The following SLC39A8 variants were observed in gnomAD, a reference collection of about 807,000 sequenced individuals.
SLC39A8 encodes the protein solute carrier family 39 member 8, also known as metal cation symporter ZIP8.
A neutral mutation model predicts 40.4 loss-of-function variants in SLC39A8; 15 were observed. The observed-to-expected ratio is 0.37, with a 90% confidence interval of 0.25 to 0.57. The LOEUF is 0.57. SLC39A8 is among the 20% of genes least tolerant of loss of function. The pLI, the probability that SLC39A8 is intolerant of heterozygous loss-of-function variation, is 0.75. For synonymous variants in SLC39A8, 223 were observed against 221.6 expected (o/e 1.01, Z -0.06); for missense variants, 472 against 558.8 (o/e 0.84, Z 1.57).
At chr4:102,297,518 T>C (rs1733728880) in intron 6 of SLC39A8, among the ~76,000 whole-genome samples, 1 of 152,068 alleles carries the variant, frequency 6.6e-6, no homozygotes, top group South Asian at 2.1e-4. Flanking sequence ...GGAAAGAAGG[T>C]TTGAGAAAAC....
chr4:102,299,952 C>T (rs1733845307), intron 6 of SLC39A8, among the ~76,000 whole-genome samples: 1 of 152,042 alleles, frequency 6.6e-6, no homozygotes, highest in African/African-American at 2.4e-5. Flanking sequence ...AGTGAAATGA[C>T]TCCACACTTG....
intron 2 of SLC39A8, among the ~76,000 whole-genome samples, chr4:102,320,201 A>ATATG (rs1734859646): frequency 2.2e-5 from 3 of 137,012 alleles, no homozygotes; most frequent in African/African-American, 8.2e-5. Flanking sequence ...GTATATATAT[A>ATATG]TGTATATATA....
At chr4:102,334,400 T>G (rs1735586948) in intron 2 of SLC39A8, among the ~76,000 whole-genome samples, 1 of 152,226 alleles carries the variant, frequency 6.6e-6, no homozygotes, top group African/African-American at 2.4e-5. Context: ...CTCACAATAT[T>G]GTTTCGAGTA....
chr4:102,265,698 A>C (rs1350642687), intron 8 of SLC39A8, among the ~76,000 whole-genome samples: 2 of 152,258 alleles, frequency 1.3e-5, no homozygotes, highest in African/African-American at 4.8e-5. Flanking sequence ...GGATGTTTAA[A>C]GGTTTTAGTA....
intron 2 of SLC39A8, among the ~76,000 whole-genome samples, chr4:102,319,035 C>T (rs1734780128): frequency 6.6e-6 from 1 of 152,118 alleles, no homozygotes. Context: ...CTCAAATGGG[C>T]CTTGTATGTG....
rs1221749234 is a variant in SLC39A8, at chr4:102,344,613, C to G, written c.50G>C (p.Gly17Ala). 1.3e-6 allele frequency: 2 copies of G among 1,540,120 alleles called. No homozygotes were observed. The highest frequency in any genetic ancestry group is 2.8e-5 in the African/African-American group (2 of 71,372). Residue 17 changes from glycine (G) to alanine (A), a missense_variant, in exon 2 of 9, where the codon GGC becomes GCC. Physicochemically the swap from Gly to Ala is moderately conservative, Grantham distance 60 (BLOSUM62 0). This residue lies in a region of SLC39A8 where 175 missense variants were observed against 160.5 expected (regional missense o/e 1.09). Transcript: ENST00000356736. Reference protein sequence around the residue: ...VAGLLLLAAAGLGGVAEGPGL... With the variant: ...VAGLLLLAAAALGGVAEGPGL... ...TGGCCCCTCCGCCACTCCTCCGAGG[C>G]CGGCGGCCGCCAGCAACAGGAGCCC...
Position 102,268,165 on chromosome 4 carries a change from A to G in SLC39A8, c.841-86T>C, listed in dbSNP as rs538625834. The G allele has an allele frequency of 1.3e-4, 176 of 1,375,152 alleles. No homozygotes were observed. The African/African-American group carries it at 2.1e-3, about 16-fold the overall frequency. The allele number at this position is 1,375,152 out of a possible 1,614,324, so 85.2% of individuals were successfully genotyped here. A position where few individuals can be genotyped will look rare whatever the true frequency, so the allele number is the denominator to read the frequency against. ...AAGTTGGAGATGGGTTGTGCTTGAG[A>G]AAAACAAATTGTTCCAACAGAAAGT... is the stretch of plus-strand genomic sequence containing the variant. On this transcript the variant is annotated intron_variant, in intron 6 of 8. Coordinates refer to ENST00000356736, the MANE Select transcript of SLC39A8 (RefSeq NM_001135146.2).
In SLC39A8 at chr4:102,315,680, T is replaced by G; in HGVS notation, c.370A>C (p.Ser124Arg). The G allele has an allele frequency of 6.2e-7, 1 of 1,608,676 alleles. No homozygotes were observed. The highest frequency in any genetic ancestry group is 8.5e-7 in the Non-Finnish European group (1 of 1,177,604). The change falls in exon 3 of 9, where the codon AGT (serine) becomes CGT (arginine). Residue 124 changes from serine to arginine, a missense_variant. Ser to Arg is a moderately radical substitution (Grantham distance 110, BLOSUM62 -1). Around this residue, in one of 4 missense-constraint regions of SLC39A8, gnomAD observed 175 missense variants for 160.5 expected, o/e 1.09. Coordinates refer to ENST00000356736, the MANE Select transcript of SLC39A8 (RefSeq NM_001135146.2). ...EDRPKHKTRP[S>R]HSEVWGYGFL... ...GCTTCTAATATACCTTCTGAATGAC[T>G]TGGTCTTGTTTTGTGCTTGGGCCGA...
At chr4:102,324,335 C>T in intron 2 of SLC39A8, 2 of 223,500 alleles carry the variant, frequency 8.9e-6, no homozygotes, top group Non-Finnish European at 1.9e-5. Context: ...GCGGAGGCTG[C>T]AGTGAGCCGA....
At position 102,267,543 on chromosome 4, in the gene SLC39A8, T is replaced by C; in HGVS notation, c.1180A>G (p.Ile394Val). 6.2e-7 allele frequency: 1 copy of C among 1,613,946 alleles called. No homozygotes were observed. Among genetic ancestry groups the C allele is most frequent in the Non-Finnish European group, 8.5e-7 (1 of 1,179,960 alleles). The change falls in exon 8 of 9, where the codon ATT (isoleucine) becomes GTT (valine). Residue 394 changes from isoleucine to valine, a missense_variant. By Grantham distance (29) the Ile-to-Val change is conservative (BLOSUM62 3). Around this residue, in one of 4 missense-constraint regions of SLC39A8, gnomAD observed 239 missense variants for 317.9 expected, o/e 0.75. Coordinates refer to ENST00000356736, the MANE Select transcript of SLC39A8 (RefSeq NM_001135146.2). ...ATGCCTCCAGCAAGTGCAAATATAA[T>C]ATTTGGAGCGAAATTGTTGCCCACC... is the stretch of plus-strand genomic sequence containing the variant. ...ILVGNNFAPN[I>V]IFALAGGMFL...
Position 102,315,756 on chromosome 4 carries a change from A to C in SLC39A8, c.294T>G (p.Ser98=). 1 of 1,613,462 alleles carries C rather than the reference A, an allele frequency of 6.2e-7. No individual in the cohort carries two copies. The highest frequency in any genetic ancestry group is 1.1e-5 in the South Asian group (1 of 91,034). ...GCTGTAAGACTGCTGGACAGATGAC[A>C]GAGAATTTGGAGCTGGTTATTTGGG... ...NATQITSSKF[S]VICPAVLQQL... is the part of the protein sequence containing the mutation. Residue 98 remains serine (S), a synonymous_variant, in exon 3 of 9, where the codon TCT becomes TCG. Transcript: ENST00000356736.
In SLC39A8 at chr4:102,267,520, G is replaced by T; in HGVS notation, c.1203C>A (p.Gly401=). Residue 401 remains glycine, a synonymous_variant, in exon 8 of 9, where the codon GGC becomes GGA. Coordinates refer to ENST00000356736, the MANE Select transcript of SLC39A8 (RefSeq NM_001135146.2). ...APNIIFALAG[G]MFLYISLADM... is the part of the protein sequence containing the mutation. ...CTGCCAGAGAAATATAGAGGAACAT[G>T]CCTCCAGCAAGTGCAAATATAATAT... 1 of 1,611,404 alleles carries T rather than the reference G, an allele frequency of 6.2e-7. No individual in the cohort carries two copies. The highest frequency in any genetic ancestry group is 1.1e-5 in the South Asian group (1 of 90,116).
intron 6 of SLC39A8, among the ~76,000 whole-genome samples, chr4:102,278,376 CAT>C (rs1262069271): frequency 3.3e-4 from 51 of 152,248 alleles, no homozygotes; most frequent in African/African-American, 1.1e-3. Flanking sequence ...GGCCAACAAA[CAT>C]ATGAAAAAAG....
chr4:102,314,021 C>A (rs1734553187), intron 3 of SLC39A8, among the ~76,000 whole-genome samples: 1 of 152,042 alleles, frequency 6.6e-6, no homozygotes. Flanking sequence ...ATGTCAATGT[C>A]TCAAAGCAAC....
chr4:102,295,979 C>T (rs1446126193), intron 6 of SLC39A8, among the ~76,000 whole-genome samples: 2 of 152,032 alleles, frequency 1.3e-5, no homozygotes, highest in African/African-American at 2.4e-5. Flanking sequence ...AACAGAGAAT[C>T]GGTGGTGCAA....
chr4:102,307,127 T>C (rs1270047485), intron 4 of SLC39A8, among the ~76,000 whole-genome samples: 6 of 151,788 alleles, frequency 4.0e-5, no homozygotes, highest in Non-Finnish European at 5.9e-5. Context: ...AATGAAACAG[T>C]GTGTGGAAAA....
intron 6 of SLC39A8, among the ~76,000 whole-genome samples, chr4:102,289,290 A>G (rs969366618): frequency 1.3e-5 from 2 of 152,168 alleles, no homozygotes. Flanking sequence ...CCTACAGCTC[A>G]GAAAAATAAA....
rs1213799370 is a variant in SLC39A8 at position 102,261,691 on chromosome 4, T to C, written c.*1353A>G. The C allele has an allele frequency of 1.0e-6, 1 of 980,270 alleles. No individual in the cohort carries two copies. The highest frequency in any genetic ancestry group is 6.2e-5 in the Admixed American group (1 of 16,250). 60.7% of individuals were successfully genotyped at this position (980,270 alleles called of 1,614,324 possible). A position where few individuals can be genotyped will look rare whatever the true frequency, so the allele number is the denominator to read the frequency against. On this transcript the variant is annotated 3_prime_UTR_variant, in exon 9 of 9. Transcript: ENST00000356736. ...TGGTTTCAAAAGGGTGTTTACTATT[T>C]GGCCAAACAATATTTTTTAATTGTC...
chr4:102,274,220 T>C (rs910999311), intron 6 of SLC39A8, among the ~76,000 whole-genome samples: 15 of 151,858 alleles, frequency 9.9e-5, no homozygotes, highest in African/African-American at 3.6e-4. Flanking sequence ...GTTAGAGGAA[T>C]TGCTAACTAG....
Sources: allele counts gnomAD v4.1 joint callset (sites outside exome capture counted in the v4.1 genomes callset), GRCh38; gene constraint gnomAD v4.1.1; regional missense constraint gnomAD v4.1.1; transcripts MANE v1.5; gene names NCBI Gene and HGNC (gene_info 2026-07-23, HGNC 2026-07-21).